Variants in LSM14A observed in about 807,000 individuals in gnomAD.
LSM14A encodes the protein protein LSM14 homolog A.
A neutral mutation model predicts 52.4 loss-of-function variants in LSM14A; 14 were observed. The observed-to-expected ratio is 0.27, with a 90% confidence interval of 0.18 to 0.42. The LOEUF (loss-of-function observed/expected upper bound fraction) is 0.42, where lower values mean the gene tolerates loss of function less well. Ranked by LOEUF, LSM14A falls within the 10% of genes least tolerant of loss-of-function variation. The pLI is 1.00. For missense variants in LSM14A, 417 were observed against 581.8 expected (o/e 0.72, Z 2.91); for synonymous variants, 185 against 200.3 (o/e 0.92, Z 0.64).
At chr19:34,180,117 C>T (rs2069372989) in intron 1 of LSM14A, among the ~76,000 whole-genome samples, 1 of 152,172 alleles carries the variant, frequency 6.6e-6, no homozygotes, top group Non-Finnish European at 1.5e-5. Flanking sequence ...CAGGGTTTTG[C>T]CATGCTGCCC....
rs186393421 is a variant in LSM14A at position 34,208,925 on chromosome 19, T to C, written c.416-4T>C. ...TTTTTATCATTTAAAAACATCTCTT[T>C]AAGCTGGAAGCTCTTTGACATCCTT... On this transcript the variant is annotated splice_polypyrimidine_tract_variant and splice_region_variant and intron_variant, in intron 3 of 9. Coordinates refer to ENST00000544216, the MANE Select transcript of LSM14A (RefSeq NM_015578.4). 4.0e-5 allele frequency: 63 copies of C among 1,577,708 alleles called. No individual in the cohort carries two copies. The African/African-American group carries it at 8.2e-4, about 20-fold the overall frequency.
At chr19:34,188,624 T>C (rs76503578) in intron 1 of LSM14A, among the ~76,000 whole-genome samples, 17 of 152,248 alleles carry the variant, frequency 1.1e-4, no homozygotes, top group African/African-American at 3.4e-4. Context: ...ATTTCCCCCA[T>C]ACCCTGTTGA....
intron 5 of LSM14A, 67 bp from the exon 6 acceptor site, chr19:34,215,529 C>T (rs1221203661): frequency 2.2e-6 from 3 of 1,348,012 alleles, no homozygotes; most frequent in East Asian, 4.6e-5. Context: ...GTTTGCATTT[C>T]TAACTATGGA....
At chr19:34,210,345 C>T (rs1202312039) in intron 4 of LSM14A, among the ~76,000 whole-genome samples, 1 of 151,940 alleles carries the variant, frequency 6.6e-6, no homozygotes, top group Non-Finnish European at 1.5e-5. Flanking sequence ...TCTCGGCTCA[C>T]TGCAACCTCC....
intron 1 of LSM14A, among the ~76,000 whole-genome samples, chr19:34,174,141 G>T (rs1204485090): frequency 3.3e-5 from 5 of 152,144 alleles, no homozygotes; most frequent in Non-Finnish European, 7.4e-5. Context: ...TAGAGACGGG[G>T]TTTCACCATG....
intron 8 of LSM14A, among the ~76,000 whole-genome samples, chr19:34,221,081 C>CTTT (rs34608536): frequency 2.4e-5 from 3 of 124,832 alleles, no homozygotes; most frequent in South Asian, 2.5e-4. Context: ...AGATAAGATG[C>CTTT]TTTTTTTTTT....
In LSM14A at chr19:34,221,637, C is replaced by T. The variant is rs757723275; in HGVS notation, c.1267C>T (p.Arg423Cys). 18 of 1,613,940 alleles carry T rather than the reference C, an allele frequency of 1.1e-5. No individual in the cohort carries two copies. The highest frequency in any genetic ancestry group is 1.5e-5 in the Non-Finnish European group (18 of 1,179,992). Residue 423 changes from arginine (R) to cysteine (C), a missense_variant, in exon 9 of 10, where the codon CGT becomes TGT. Physicochemically the swap from Arg to Cys is radical, Grantham distance 180. Transcript: ENST00000544216. ...TCTTGGTTTCCGTGGTGGCAGAGGG[C>T]GTGGTGGTGGCAGAGGTGGTACCTT... ...GGLGFRGGRG[R>C]GGGRGGTFTA... is the part of the protein sequence containing the mutation.
intron 4 of LSM14A, among the ~76,000 whole-genome samples, chr19:34,211,100 C>T (rs1397763470): frequency 6.6e-6 from 1 of 151,478 alleles, no homozygotes; most frequent in Non-Finnish European, 1.5e-5. Context: ...GTCAGGGGTT[C>T]GAGACCAGCC....
At chr19:34,197,855 A>C (rs2070980478) in intron 3 of LSM14A, among the ~76,000 whole-genome samples, 1 of 152,182 alleles carries the variant, frequency 6.6e-6, no homozygotes, top group South Asian at 2.1e-4. Flanking sequence ...TTTGAAACGA[A>C]ACTATAATGA....
chr19:34,185,911 A>G (rs1484070811), intron 1 of LSM14A, among the ~76,000 whole-genome samples: 4 of 152,192 alleles, frequency 2.6e-5, no homozygotes, highest in Admixed American at 1.3e-4. Flanking sequence ...TGTTTTTCCC[A>G]CTTTCCCATT....
intron 8 of LSM14A, 93 bp from the exon 9 acceptor site, chr19:34,221,414 A>G: frequency 7.5e-7 from 1 of 1,334,426 alleles, no homozygotes; most frequent in Non-Finnish European, 1.0e-6. Flanking sequence ...TTTAGTAATT[A>G]CTTAGGCTTA....
At chr19:34,211,422 C>T (rs976592813) in intron 4 of LSM14A, among the ~76,000 whole-genome samples, 28 of 151,778 alleles carry the variant, frequency 1.8e-4, no homozygotes, top group African/African-American at 6.5e-4. Context: ...ATAAGTTGGT[C>T]ATACTAAGAA....
In LSM14A at chr19:34,220,001, A is replaced by T. The variant is rs2072943806; in HGVS notation, c.1136+124A>T. On this transcript the variant is annotated intron_variant, in intron 8 of 9. Transcript: ENST00000544216. ...TTTTGTTTTGTTTTGAGACAGTCTT[A>T]CTCTGTTACTCAGGCTGGAGAGCAG... The T allele has an allele frequency of 1.7e-5, 12 of 714,256 alleles. No individual in the cohort carries two copies. The South Asian group carries it at 2.3e-4, about 14-fold the overall frequency. The allele number at this position is 714,256 out of a possible 1,614,324, so 44.2% of individuals were successfully genotyped here.
At chr19:34,189,987 T>C (rs2070233677) in intron 1 of LSM14A, among the ~76,000 whole-genome samples, 1 of 152,164 alleles carries the variant, frequency 6.6e-6, no homozygotes, top group South Asian at 2.1e-4. Context: ...TTAGGAAAAA[T>C]TGGAAATGAA....
chr19:34,185,040 T>G (rs977290606), intron 1 of LSM14A, among the ~76,000 whole-genome samples: 4 of 152,244 alleles, frequency 2.6e-5, no homozygotes, highest in Non-Finnish European at 5.9e-5. Flanking sequence ...TATTGTTTTG[T>G]TATTACATCA....
intron 1 of LSM14A, among the ~76,000 whole-genome samples, chr19:34,189,584 T>A (rs2070196725): frequency 6.6e-6 from 1 of 152,040 alleles, no homozygotes; most frequent in South Asian, 2.1e-4. Context: ...AAATGAATAC[T>A]AGAATAACAA....
At chr19:34,215,523 G>T in intron 5 of LSM14A, 73 bp from the exon 6 acceptor site, 1 of 1,318,210 alleles carries the variant, frequency 7.6e-7, no homozygotes, top group Non-Finnish European at 1.1e-6. Flanking sequence ...TTGTTTGTTT[G>T]CATTTCTAAC....
At chr19:34,223,013 A>G (rs571483382) in intron 9 of LSM14A, among the ~76,000 whole-genome samples, 2 of 152,224 alleles carry the variant, frequency 1.3e-5, no homozygotes, top group Admixed American at 6.5e-5. Context: ...CTTTCTTCCT[A>G]GTCTTTAAAA....
intron 3 of LSM14A, among the ~76,000 whole-genome samples, chr19:34,198,343 G>A (rs758358137): frequency 2.6e-5 from 4 of 152,152 alleles, no homozygotes; most frequent in Non-Finnish European, 5.9e-5. Flanking sequence ...TGAGCTGGGC[G>A]CGGTGGCTCA....
Sources: gnomAD v4.1 joint callset for allele counts (sites outside exome capture counted in the v4.1 genomes callset) on GRCh38, gnomAD v4.1.1 for gene constraint, MANE v1.5 for transcripts, NCBI Gene and HGNC (gene_info 2026-07-23, HGNC 2026-07-21) for gene names.